The following SLC23A2 variants were observed in gnomAD, a reference collection of about 807,000 sequenced individuals.
SLC23A2 encodes the protein solute carrier family 23 member 2.
In SLC23A2, 36 loss-of-function variants were observed where a neutral mutation model predicts 73.3. The observed-to-expected ratio is 0.49, with a 90% CI of 0.38 to 0.65. The LOEUF is 0.65. Among genes scored for constraint, SLC23A2 ranks in the 30% least tolerant of loss-of-function variants. The probability of loss-of-function intolerance (pLI) is 0.00; values close to 1 mark genes in which losing one functional copy is unlikely to be tolerated. For missense variants in SLC23A2, 507 were observed against 841.6 expected, an observed-to-expected ratio of 0.60 and a Z score of 4.92; for synonymous variants, 343 against 327.3, an observed-to-expected ratio of 1.05 and a Z score of -0.52.
At chr20:4,952,892 A>G (rs142842750) in intron 2 of SLC23A2, among the ~76,000 whole-genome samples, 6 of 151,934 alleles carry the variant, frequency 3.9e-5, no homozygotes, top group Admixed American at 1.3e-4. Flanking sequence ...GCGTGGTGGC[A>G]TGTACCTGTA....
chr20:4,871,220 A>G (rs1930434392), intron 11 of SLC23A2, among the ~76,000 whole-genome samples: 2 of 152,172 alleles, frequency 1.3e-5, no homozygotes, highest in Non-Finnish European at 2.9e-5. Flanking sequence ...GGAGCCAACA[A>G]CGTAGCTGGG....
At chr20:4,867,438 T>C (rs558706435) in intron 13 of SLC23A2, among the ~76,000 whole-genome samples, 2 of 152,294 alleles carry the variant, frequency 1.3e-5, no homozygotes, top group South Asian at 4.1e-4. Context: ...AGTATGCTGA[T>C]TGTTGATTGC....
In SLC23A2 at chr20:4,854,622, G is replaced by A. The variant is rs8117200; in HGVS notation, c.*2350C>T. On this transcript the variant is annotated 3_prime_UTR_variant, in exon 17 of 17. Coordinates refer to ENST00000338244, the MANE Select transcript of SLC23A2 (RefSeq NM_005116.6). ...CACTCCAACAGGAGTTGAAAGGGTAGGGCTTCCTTCCCTGTGTGAAGGCCT... is the reference window on the plus strand; with the variant it reads ...CACTCCAACAGGAGTTGAAAGGGTAAGGCTTCCTTCCCTGTGTGAAGGCCT... 7 of 152,292 alleles carry A rather than the reference G, an allele frequency of 4.6e-5. No individual in the cohort carries two copies. Among genetic ancestry groups the A allele is most frequent in the African/African-American group, 1.4e-4 (6 of 41,550 alleles). The allele number at this position is 152,292 out of a possible 1,614,324, so 9.4% of individuals were successfully genotyped here.
chr20:4,983,030 A>G (rs62200396), intron 1 of SLC23A2, among the ~76,000 whole-genome samples: 29 of 151,836 alleles, frequency 1.9e-4, no homozygotes, highest in Non-Finnish European at 3.7e-4. Context: ...GCTTGAACCC[A>G]GGAGGCAGAG....
At chr20:4,876,009 C>G (rs1253590103) in intron 9 of SLC23A2, among the ~76,000 whole-genome samples, 1 of 152,176 alleles carries the variant, frequency 6.6e-6, no homozygotes, top group Non-Finnish European at 1.5e-5. Flanking sequence ...CCTGCCTACT[C>G]AGGCGCTTCG....
At chr20:4,989,852 C>T (rs1245894304) in intron 1 of SLC23A2, among the ~76,000 whole-genome samples, 1 of 152,090 alleles carries the variant, frequency 6.6e-6, no homozygotes, top group African/African-American at 2.4e-5. Context: ...TCAAGAGAAT[C>T]TACTGAAAAA....
At chr20:4,929,287 G>T (rs1370158803) in intron 3 of SLC23A2, among the ~76,000 whole-genome samples, 7 of 146,280 alleles carry the variant, frequency 4.8e-5, no homozygotes, top group African/African-American at 1.8e-4. Flanking sequence ...AAAAGAAAAA[G>T]AAAAAAAAAA....
Position 4,885,470 on chromosome 20 carries a change from C to T in SLC23A2, c.571+351G>A, listed in dbSNP as rs150505168. ...AGATGTTTCAGAGAAGGGATGCTGA[C>T]GCAGCAAAGAGAGTGATTACTGGTG... On this transcript the variant is annotated intron_variant, in intron 7 of 16. Coordinates refer to ENST00000338244, the MANE Select transcript of SLC23A2 (RefSeq NM_005116.6). Among the ~76,000 whole-genome samples the T allele has an allele frequency of 9.7e-4, 147 of 152,264 alleles. No individual in the cohort carries two copies. In the East Asian group the frequency reaches 0.024, roughly 25 times the overall value.
In SLC23A2 at chr20:4,883,165, C is replaced by T. The variant is rs529522558; in HGVS notation, c.824+477G>A. 3.9e-5 allele frequency among the ~76,000 whole-genome samples: 6 copies of T among 152,176 alleles called. No individual in the cohort carries two copies. Among genetic ancestry groups the T allele is most frequent in the Admixed American group, 1.3e-4 (2 of 15,290 alleles). On this transcript the variant is annotated intron_variant, in intron 9 of 16. Transcript: ENST00000338244. This position sits in a 1 kb window ranked among gnomAD's most constrained non-coding sequence, Gnocchi z 4.5. Reference sequence around the variant, plus strand: ...TATGTCCCTCCCCCAACCACCCACCCGTCAGGAGTGCAGAGCTCAGTGTGG... The same window carrying T: ...TATGTCCCTCCCCCAACCACCCACCTGTCAGGAGTGCAGAGCTCAGTGTGG...
intron 1 of SLC23A2, among the ~76,000 whole-genome samples, chr20:4,973,488 T>C (rs778437551): frequency 1.3e-5 from 2 of 152,130 alleles, no homozygotes; most frequent in Non-Finnish European, 1.5e-5. Context: ...ACAGAACAAG[T>C]ACTGAGACCA....
chr20:4,887,978 G>A (rs1386390010), intron 6 of SLC23A2, among the ~76,000 whole-genome samples: 1 of 152,116 alleles, frequency 6.6e-6, no homozygotes, highest in African/African-American at 2.4e-5. Flanking sequence ...GCTTTTTTAG[G>A]TGCTTGCCCA....
At chr20:4,908,604 G>A (rs1932036619) in intron 4 of SLC23A2, among the ~76,000 whole-genome samples, 1 of 152,190 alleles carries the variant, frequency 6.6e-6, no homozygotes, top group Non-Finnish European at 1.5e-5. Context: ...GGTATTGTAT[G>A]ACTAATAATT....
chr20:4,950,074 G>A (rs777302232), intron 2 of SLC23A2, among the ~76,000 whole-genome samples: 27 of 152,106 alleles, frequency 1.8e-4, no homozygotes, highest in Non-Finnish European at 3.4e-4. Context: ...GCCACCACCC[G>A]GTTACAAACA....
intron 3 of SLC23A2, among the ~76,000 whole-genome samples, chr20:4,923,151 A>G (rs1932554838): frequency 6.6e-6 from 1 of 151,466 alleles, no homozygotes. Context: ...TTATGCCTGT[A>G]ATCCCAGCAC....
chr20:4,860,047 C>T (rs969371136), intron 15 of SLC23A2, among the ~76,000 whole-genome samples: 9 of 152,204 alleles, frequency 5.9e-5, no homozygotes, highest in Admixed American at 3.3e-4. Flanking sequence ...ATGGTGCAGC[C>T]GCCATGAAAA....
chr20:4,862,999 G>T lies in SLC23A2; in HGVS notation c.1357-92C>A. 1 of 1,324,664 alleles carries T rather than the reference G, an allele frequency of 7.5e-7. No individual in the cohort carries two copies. Among genetic ancestry groups the T allele is most frequent in the South Asian group, 1.3e-5 (1 of 75,378 alleles). The allele number at this position is 1,324,664 out of a possible 1,614,324, so 82.1% of individuals were successfully genotyped here. On this transcript the variant is annotated intron_variant, in intron 13 of 16. Coordinates refer to ENST00000338244, the MANE Select transcript of SLC23A2 (RefSeq NM_005116.6). The surrounding 1 kb of genome is among the most constrained non-coding windows in gnomAD (Gnocchi z 5.1). ...AAGAACACACAGCAGAGATACCCAT[G>T]GCCTGGCTCGCTACCTTCACCTCCT...
chr20:4,922,070 T>C (rs921931039), intron 3 of SLC23A2, among the ~76,000 whole-genome samples: 1 of 152,206 alleles, frequency 6.6e-6, no homozygotes, highest in Admixed American at 6.5e-5. Context: ...AATAGAATTA[T>C]GGGCTTAGAT....
intron 15 of SLC23A2, among the ~76,000 whole-genome samples, chr20:4,859,825 A>G (rs935421916): frequency 1.3e-5 from 2 of 152,238 alleles, no homozygotes; most frequent in Non-Finnish European, 2.9e-5. Flanking sequence ...TGGGTTATCA[A>G]TTAGTGCTTA....
At chr20:4,994,658 G>A (rs6139600) in intron 1 of SLC23A2, among the ~76,000 whole-genome samples, 53,355 of 151,862 alleles carry the variant, frequency 0.35, 9,992 homozygotes, top group Admixed American at 0.41. Context: ...CTACTCAGGA[G>A]GCCGAGGCAG....
Sources: allele counts gnomAD v4.1 joint callset (sites outside exome capture counted in the v4.1 genomes callset), GRCh38; gene constraint gnomAD v4.1.1; non-coding constraint Gnocchi (gnomAD v3.1); transcripts MANE v1.5; gene names NCBI Gene and HGNC (gene_info 2026-07-23, HGNC 2026-07-21).